RBPJ: variants seen among roughly 807,000 people sequenced by gnomAD.
RBPJ encodes recombination signal binding protein for immunoglobulin kappa J region, also known as recombining binding protein suppressor of hairless.
RBPJ carries 9 observed loss-of-function variants against 67.8 expected under a neutral mutation model. The ratio of observed to expected loss-of-function variants is 0.13; its 90% CI spans 0.08 to 0.23. RBPJ has a LOEUF of 0.23. Among genes scored for constraint, RBPJ ranks in the 10% least tolerant of loss-of-function variants. The pLI, the probability that RBPJ is intolerant of heterozygous loss-of-function variation, is 1.00. For synonymous variants in RBPJ, 198 were observed against 203.3 expected, an observed-to-expected ratio of 0.97 and a Z score of 0.22; for missense variants, 305 against 595.6, an observed-to-expected ratio of 0.51 and a Z score of 5.08.
Position 26,411,546 on chromosome 4 carries a change from A to G in RBPJ, c.156-3929A>G, listed in dbSNP as rs1005757365. The stretch of plus-strand genomic sequence containing the variant: ...AGATTATATTGGATTTGCTACTTCC[A>G]TCATGGCTTTTTGAAATAATTTAGA... On this transcript the variant is annotated intron_variant, in intron 3 of 10. Transcript: ENST00000355476. Among the ~76,000 whole-genome samples, 13 of 146,768 alleles carry G rather than the reference A, an allele frequency of 8.9e-5. No homozygotes were observed. In the East Asian group the frequency reaches 1.4e-3, roughly 16 times the overall value.
chr4:26,156,414 C>CTTTTTTTTTTTT, the RBPJ span, among the ~76,000 whole-genome samples: 2 of 93,560 alleles, frequency 2.1e-5, no homozygotes, highest in Admixed American at 1.4e-4. Context: ...TCTTTTCTTT[C>CTTTTTTTTTTTT]TTTTTTTTTT....
At chr4:26,429,004 C>G in intron 8 of RBPJ, 144 bp downstream of exon 8, 1 of 621,070 alleles carries the variant, frequency 1.6e-6, no homozygotes, top group Non-Finnish European at 2.8e-6. Context: ...TATGAGCATC[C>G]TTAACACACA....
At chr4:26,387,744 A>C (rs756911653) in intron 2 of RBPJ, among the ~76,000 whole-genome samples, 29 of 152,196 alleles carry the variant, frequency 1.9e-4, no homozygotes, top group Non-Finnish European at 3.2e-4. Flanking sequence ...GGATTGGGGA[A>C]AAATATCCCA....
chr4:26,209,584 T>C (rs368331086), intron 1 of RBPJ, among the ~76,000 whole-genome samples: 16,226 of 94,620 alleles, frequency 0.17, 944 homozygotes, highest in Middle Eastern at 0.26. Context: ...CTTCCCTGTC[T>C]CCCTCCCTTC....
intron 1 of RBPJ, among the ~76,000 whole-genome samples, chr4:26,354,451 G>GTTTTTTTTTTTTTTTTTTTTTTTTTTTT (rs35328021): frequency 8.5e-6 from 1 of 117,498 alleles, no homozygotes; most frequent in African/African-American, 3.1e-5. Context: ...AAAGATTTCT[G>GTTTTTTTTTTTTTTTTTTTTTTTTTTTT]TTTTTTTTTT....
intron 1 of RBPJ, among the ~76,000 whole-genome samples, chr4:26,232,106 G>A (rs1719310964): frequency 6.6e-6 from 1 of 151,770 alleles, no homozygotes; most frequent in Admixed American, 6.6e-5. Flanking sequence ...ATGTTGGTTA[G>A]GCTGGTCTCA....
At chr4:26,408,401 T>C (rs1733689668) in intron 3 of RBPJ, among the ~76,000 whole-genome samples, 1 of 152,132 alleles carries the variant, frequency 6.6e-6, no homozygotes, top group African/African-American at 2.4e-5. Flanking sequence ...TCCTTTTTTT[T>C]TTTCCCACGA....
the RBPJ span, among the ~76,000 whole-genome samples, chr4:26,116,781 G>A: frequency 6.6e-6 from 1 of 152,336 alleles, no homozygotes; most frequent in African/African-American, 2.4e-5. Flanking sequence ...GCCCAAAGTG[G>A]CACCAAAGCT....
intron 1 of RBPJ, among the ~76,000 whole-genome samples, chr4:26,383,723 A>G (rs1424788160): frequency 1.3e-5 from 2 of 152,204 alleles, no homozygotes; most frequent in Non-Finnish European, 2.9e-5. Context: ...GGTGTAAAAA[A>G]TTGTTTTGTG....
At chr4:26,395,478 A>G (rs1389901840) in intron 2 of RBPJ, among the ~76,000 whole-genome samples, 1 of 152,128 alleles carries the variant, frequency 6.6e-6, no homozygotes, top group East Asian at 1.9e-4. Flanking sequence ...TGAGCTTTAT[A>G]TCTATTGTCC....
upstream of RBPJ, among the ~76,000 whole-genome samples, chr4:26,316,537 A>ATATATTCATATATATTCATG (rs1722636381): frequency 6.9e-6 from 1 of 145,170 alleles, no homozygotes; most frequent in Non-Finnish European, 1.5e-5. Flanking sequence ...ATATTCATAT[A>ATATATTCATATATATTCATG]TATATTCATG....
chr4:26,155,723 C>T, the RBPJ span, among the ~76,000 whole-genome samples: 8 of 152,160 alleles, frequency 5.3e-5, no homozygotes, highest in African/African-American at 1.9e-4. Context: ...GTGACCTTTT[C>T]TCTTAAGAGG....
chr4:26,137,869 C>T, the RBPJ span, among the ~76,000 whole-genome samples: 1 of 152,198 alleles, frequency 6.6e-6, no homozygotes, highest in Non-Finnish European at 1.5e-5. Context: ...ATTGGCCCTG[C>T]CCCCCTTCAG....
the RBPJ span, among the ~76,000 whole-genome samples, chr4:26,108,296 A>C: frequency 3.3e-5 from 5 of 152,280 alleles, no homozygotes; most frequent in Non-Finnish European, 7.4e-5. Flanking sequence ...AAAATTGCAG[A>C]GGTAGGCAAG....
intron 1 of RBPJ, among the ~76,000 whole-genome samples, chr4:26,214,937 G>A (rs1718614768): frequency 8.9e-6 from 1 of 112,342 alleles, no homozygotes; most frequent in Non-Finnish European, 1.7e-5. Context: ...AGGAAGGAGG[G>A]AGGGAGGAAG....
At chr4:26,111,461 C>A in the RBPJ span, among the ~76,000 whole-genome samples, 1 of 152,236 alleles carries the variant, frequency 6.6e-6, no homozygotes, top group Non-Finnish European at 1.5e-5. Context: ...TTCTATAGCC[C>A]AGGCAGGGCT....
intron 1 of RBPJ, among the ~76,000 whole-genome samples, chr4:26,365,369 A>G (rs568638851): frequency 1.3e-5 from 2 of 152,250 alleles, no homozygotes; most frequent in East Asian, 1.9e-4. Flanking sequence ...TACTTTATCC[A>G]TGATCATCTT....
intron 1 of RBPJ, among the ~76,000 whole-genome samples, chr4:26,221,336 C>T (rs1230122885): frequency 1.3e-5 from 2 of 152,124 alleles, no homozygotes; most frequent in African/African-American, 4.8e-5. Context: ...GTGATCCACC[C>T]GCCTCCGCCT....
chr4:26,270,866 G>A (rs62409730), intron 1 of RBPJ, among the ~76,000 whole-genome samples: 61,022 of 151,452 alleles, frequency 0.4, 14,777 homozygotes, highest in Admixed American at 0.55. Flanking sequence ...AATAAAATCC[G>A]CCTCCCCCCC....
Sources: allele counts gnomAD v4.1 joint callset (sites outside exome capture counted in the v4.1 genomes callset), GRCh38; gene constraint gnomAD v4.1.1; transcripts MANE v1.5; gene names NCBI Gene and HGNC (gene_info 2026-07-23, HGNC 2026-07-21).